The following LIPI variants were observed in gnomAD, a reference collection of about 807,000 sequenced individuals.
LIPI encodes lipase member I.
In LIPI, 59 loss-of-function variants were observed where a neutral mutation model predicts 50.6. That is an observed-to-expected ratio of 1.16 (90% CI 0.94 to 1.45). The LOEUF (loss-of-function observed/expected upper bound fraction) is 1.45. LIPI is among the 40% of genes most tolerant of loss of function. The probability of loss-of-function intolerance (pLI) is 0.00; values close to 1 mark genes in which losing one functional copy is unlikely to be tolerated. For synonymous variants in LIPI, 203 were observed against 178.2 expected (o/e 1.14, Z -1.11); for missense variants, 586 against 536.3 (o/e 1.09, Z -0.92).
At position 14,210,789 on chromosome 21, in the gene LIPI, T is replaced by G; in HGVS notation, c.46+11A>C. 1 of 1,099,506 alleles carries G rather than the reference T, an allele frequency of 9.1e-7. No homozygotes were observed. Among genetic ancestry groups the G allele is most frequent in the South Asian group, 1.5e-5 (1 of 65,534 alleles). The allele number at this position is 1,099,506 out of a possible 1,614,324, so 68.1% of individuals were successfully genotyped here. The stretch of plus-strand genomic sequence containing the variant: ...TTTAAAGATAAATCAAATTATTAAT[T>G]AATATCTTACCAGATCTCACCCAGC... On this transcript the variant is annotated intron_variant, in intron 1 of 9. Transcript: ENST00000681601.
intron 9 of LIPI, among the ~76,000 whole-genome samples, chr21:14,132,515 A>G (rs1302918889): frequency 2.6e-5 from 4 of 152,210 alleles, no homozygotes. Context: ...TTCCCAGACA[A>G]GCAAATGCAA....
In LIPI at chr21:14,167,603, A is replaced by G. The variant is rs2018737673; in HGVS notation, c.644-1152T>C. ...CACCACGGCTGATACCCAGGCAAACAGAGTCTGGAGTGGACCTCTAGCAAA... is the reference window on the plus strand; with the variant it reads ...CACCACGGCTGATACCCAGGCAAACGGAGTCTGGAGTGGACCTCTAGCAAA... On this transcript the variant is annotated intron_variant, in intron 4 of 9. Coordinates refer to ENST00000681601, the MANE Select transcript of LIPI (RefSeq NM_001302998.2). 2.0e-5 allele frequency among the ~76,000 whole-genome samples: 3 copies of G among 152,248 alleles called. No individual in the cohort carries two copies. The South Asian group carries it at 6.2e-4, about 32-fold the overall frequency.
intron 7 of LIPI, among the ~76,000 whole-genome samples, chr21:14,160,059 T>C (rs1406706457): frequency 6.6e-6 from 1 of 151,362 alleles, no homozygotes; most frequent in African/African-American, 2.4e-5. Flanking sequence ...TCTCCCCGAA[T>C]TGAAAGATGT....
At chr21:14,202,573 GAA>G (rs1229433225) in intron 1 of LIPI, among the ~76,000 whole-genome samples, 1 of 152,100 alleles carries the variant, frequency 6.6e-6, no homozygotes, top group Non-Finnish European at 1.5e-5. Flanking sequence ...AGAAAAACAA[GAA>G]ATGGGGAAAG....
intron 1 of LIPI, among the ~76,000 whole-genome samples, chr21:14,200,961 G>C (rs180878236): frequency 1.1e-3 from 168 of 152,014 alleles, no homozygotes; most frequent in African/African-American, 3.9e-3. Flanking sequence ...ACATAATGCT[G>C]CACACCTACA....
intron 7 of LIPI, 113 bp downstream of exon 7, chr21:14,163,306 C>G: frequency 1.6e-6 from 1 of 619,270 alleles, no homozygotes; most frequent in Non-Finnish European, 2.9e-6. Context: ...TTAAATTTGC[C>G]TGAAAGAACA....
rs73346058 is a variant in LIPI at position 14,177,588 on chromosome 21, A to G, written c.643+4170T>C. On this transcript the variant is annotated intron_variant, in intron 4 of 9. Coordinates refer to ENST00000681601, the MANE Select transcript of LIPI (RefSeq NM_001302998.2). Reference sequence around the variant, plus strand: ...TTTCTTGCTTCTTTTCTTGCTAGATACCCTAAAGATTCAACATGAATACTA... The same window carrying G: ...TTTCTTGCTTCTTTTCTTGCTAGATGCCCTAAAGATTCAACATGAATACTA... Among the ~76,000 whole-genome samples the G allele has an allele frequency of 7.9e-3, 1,195 of 152,146 alleles. 19 individuals carry two copies. The highest frequency in any genetic ancestry group is 0.026 in the African/African-American group (1,089 of 41,568).
Position 14,206,392 on chromosome 21 carries a change from C to T in LIPI, c.46+4408G>A, listed in dbSNP as rs114123770. Among the ~76,000 whole-genome samples the T allele has an allele frequency of 7.0e-3, 1,073 of 152,220 alleles. 9 individuals carry two copies. The highest frequency in any genetic ancestry group is 0.018 in the African/African-American group (734 of 41,540). On this transcript the variant is annotated intron_variant, in intron 1 of 9. Transcript: ENST00000681601. ...CAAATGCTTTTTCATGCTGGGCAAG[C>T]TGCTGAGATAAGTTTGTCTTGCAAT... is the stretch of plus-strand genomic sequence containing the variant.
chr21:14,183,750 G>T lies in LIPI; in HGVS notation c.542-1891C>A, dbSNP rs554950732. ...ATGCTCATCATCACTGGCCATCAGA[G>T]AAATGCAAATCAAAACCACAATGAG... On this transcript the variant is annotated intron_variant, in intron 3 of 9. Transcript: ENST00000681601. 3.9e-5 allele frequency among the ~76,000 whole-genome samples: 6 copies of T among 152,304 alleles called. No individual in the cohort carries two copies. The South Asian group carries it at 6.2e-4, about 16-fold the overall frequency.
At chr21:14,161,822 A>T (rs374000335) in intron 7 of LIPI, among the ~76,000 whole-genome samples, 2,198 of 14,062 alleles carry the variant, frequency 0.16, 676 homozygotes, top group African/African-American at 0.37. Flanking sequence ...ATATATACAA[A>T]TATATATTAA....
At chr21:14,179,425 G>A (rs997924045) in intron 4 of LIPI, among the ~76,000 whole-genome samples, 2 of 152,266 alleles carry the variant, frequency 1.3e-5, no homozygotes, top group African/African-American at 4.8e-5. Flanking sequence ...GTGGCCTCTA[G>A]TGGCAGATTA....
intron 4 of LIPI, among the ~76,000 whole-genome samples, chr21:14,176,673 G>A (rs1261473279): frequency 1.8e-5 from 2 of 112,396 alleles, no homozygotes; most frequent in Non-Finnish European, 3.8e-5. Flanking sequence ...AAATGTTTGA[G>A]AATATTGTTT....
rs759395183 is a variant in LIPI at position 14,189,266 on chromosome 21, TTAAG to T, written c.196_199del (p.Leu66MetfsTer20). 1 of 1,613,930 alleles carries T rather than the reference TTAAG, an allele frequency of 6.2e-7. No homozygotes were observed. The highest frequency in any genetic ancestry group is 1.1e-5 in the South Asian group (1 of 91,080). On this transcript the variant is annotated frameshift_variant, in exon 2 of 10. Coordinates refer to ENST00000681601, the MANE Select transcript of LIPI (RefSeq NM_001302998.2). LOFTEE classifies it high-confidence loss of function. Reference sequence around the variant, plus strand: ...TTTCTTTTGTGTGTTGAAATTAACATTAAGTGAGTTATTTTGTTCAAACAGTGGC... The same window carrying T: ...TTTCTTTTGTGTGTTGAAATTAACATTGAGTTATTTTGTTCAAACAGTGGC...
chr21:14,113,708 T>C (rs1485928504), intron 9 of LIPI, among the ~76,000 whole-genome samples: 2 of 152,218 alleles, frequency 1.3e-5, no homozygotes, highest in Non-Finnish European at 2.9e-5. Flanking sequence ...TATTAGTCTG[T>C]TCTCACACTG....
intron 1 of LIPI, among the ~76,000 whole-genome samples, chr21:14,196,172 A>ACACAAT (rs1555860397): frequency 2.2e-5 from 3 of 138,316 alleles, no homozygotes; most frequent in Admixed American, 7.3e-5. Context: ...AAAAAACAAA[A>ACACAAT]CAAGAAGTAT....
intron 7 of LIPI, among the ~76,000 whole-genome samples, chr21:14,155,021 G>A (rs1316440338): frequency 6.6e-6 from 1 of 151,872 alleles, no homozygotes; most frequent in Non-Finnish European, 1.5e-5. Flanking sequence ...TTTTAAAGGA[G>A]CCATCACAAT....
chr21:14,115,879 G>A (rs1049007630), intron 9 of LIPI, among the ~76,000 whole-genome samples: 1 of 152,184 alleles, frequency 6.6e-6, no homozygotes, highest in Middle Eastern at 3.4e-3. Flanking sequence ...GGAGTGGCTT[G>A]CCAATTTTGA....
At chr21:14,115,143 TACTA>T (rs1342959862) in intron 9 of LIPI, among the ~76,000 whole-genome samples, 3 of 152,022 alleles carry the variant, frequency 2.0e-5, no homozygotes, top group Non-Finnish European at 2.9e-5. Flanking sequence ...TAGAGAAGAA[TACTA>T]ACTACCTGTT....
chr21:14,130,233 G>A (rs1261315760), intron 9 of LIPI, among the ~76,000 whole-genome samples: 1 of 152,098 alleles, frequency 6.6e-6, no homozygotes, highest in Non-Finnish European at 1.5e-5. Flanking sequence ...CCAGCTGTTT[G>A]GGAGGCTGAG....
Sources: allele counts gnomAD v4.1 joint callset (sites outside exome capture counted in the v4.1 genomes callset), GRCh38; gene constraint gnomAD v4.1.1; transcripts MANE v1.5; gene names NCBI Gene and HGNC (gene_info 2026-07-23, HGNC 2026-07-21).